The following PCLO variants were observed in gnomAD, a reference collection of about 807,000 sequenced individuals.
PCLO encodes piccolo presynaptic cytomatrix protein, also known as protein piccolo.
PCLO carries 82 observed loss-of-function variants against 427.5 expected under a neutral mutation model. The ratio of observed to expected loss-of-function variants is 0.19; its 90% CI spans 0.16 to 0.23. The LOEUF is 0.23. Among genes scored for constraint, PCLO ranks in the 10% least tolerant of loss-of-function variants. The pLI is 1.00. For synonymous variants in PCLO, 2,357 were observed against 2,155.4 expected (o/e 1.09, Z -2.59); for missense variants, 6,239 against 6,115.9 (o/e 1.02, Z -0.67).
intron 3 of PCLO, among the ~76,000 whole-genome samples, chr7:82,990,816 G>A (rs1796359832): frequency 6.6e-6 from 1 of 151,940 alleles, no homozygotes; most frequent in Non-Finnish European, 1.5e-5. Flanking sequence ...TATAAACTGG[G>A]AAAACATTAT....
chr7:82,813,504 C>T (rs1004678015), intron 20 of PCLO, among the ~76,000 whole-genome samples: 3 of 151,518 alleles, frequency 2.0e-5, no homozygotes, highest in African/African-American at 7.3e-5. Flanking sequence ...AATCAGTGAC[C>T]AATTGCATTT....
intron 22 of PCLO, among the ~76,000 whole-genome samples, chr7:82,768,759 T>C (rs1790585539): frequency 6.6e-6 from 1 of 152,108 alleles, no homozygotes; most frequent in Non-Finnish European, 1.5e-5. Flanking sequence ...GTATATACAA[T>C]GGCCTTCTCA....
At chr7:83,021,448 T>C (rs1788339539) in intron 3 of PCLO, among the ~76,000 whole-genome samples, 1 of 152,204 alleles carries the variant, frequency 6.6e-6, no homozygotes, top group Admixed American at 6.5e-5. Context: ...TTTATGGTCC[T>C]CAGTTTCTTA....
intron 22 of PCLO, among the ~76,000 whole-genome samples, chr7:82,780,441 A>C (rs1790848158): frequency 6.6e-6 from 1 of 152,220 alleles, no homozygotes; most frequent in African/African-American, 2.4e-5. Flanking sequence ...GATTGAAGTT[A>C]ACCACCACTC....
At chr7:83,092,854 G>A (rs1267990624) in intron 3 of PCLO, among the ~76,000 whole-genome samples, 1 of 150,554 alleles carries the variant, frequency 6.6e-6, no homozygotes, top group Non-Finnish European at 1.5e-5. Context: ...GGCTGAGGCA[G>A]GAGAATCACT....
In PCLO at chr7:83,134,586, T is replaced by C. The variant is rs1434584651; in HGVS notation, c.2964A>G (p.Pro988=). ...GPPKSTGQAP[P]APAKSIPVKK... is the part of the protein sequence containing the mutation. ...TCACAGGTATACTTTTTGCAGGTGC[T>C]GGTGGTGCTTGACCTGTGGATTTGG... is the stretch of plus-strand genomic sequence containing the variant. Residue 988 remains proline (P), a synonymous_variant, in exon 3 of 25, where the codon CCA becomes CCG. Coordinates refer to ENST00000333891, the MANE Select transcript of PCLO (RefSeq NM_033026.6). The C allele has an allele frequency of 1.2e-6, 2 of 1,613,940 alleles. No homozygotes were observed. Among genetic ancestry groups the C allele is most frequent in the Admixed American group, 1.7e-5 (1 of 59,998 alleles).
chr7:82,867,847 G>A (rs995326126), intron 10 of PCLO, among the ~76,000 whole-genome samples: 4 of 152,144 alleles, frequency 2.6e-5, no homozygotes, highest in Non-Finnish European at 5.9e-5. Flanking sequence ...ATAAAGAAGA[G>A]AAATATGTTT....
chr7:83,110,384 T>G (rs2116520710), intron 3 of PCLO, among the ~76,000 whole-genome samples: 1 of 152,218 alleles, frequency 6.6e-6, no homozygotes, highest in Non-Finnish European at 1.5e-5. Flanking sequence ...TAGTTGACAC[T>G]TAATCACTTG....
At chr7:83,037,197 T>C (rs920649455) in intron 3 of PCLO, among the ~76,000 whole-genome samples, 1 of 152,132 alleles carries the variant, frequency 6.6e-6, no homozygotes, top group African/African-American at 2.4e-5. Flanking sequence ...GGCTACTTTA[T>C]GTCTAATGCA....
At position 83,083,613 on chromosome 7, in the gene PCLO, G is replaced by A. The variant is rs151170597; in HGVS notation, c.3300+50637C>T. 9.2e-4 allele frequency among the ~76,000 whole-genome samples: 140 copies of A among 152,024 alleles called. 1 individual carries two copies. Among genetic ancestry groups the A allele is most frequent in the African/African-American group, 3.0e-3 (123 of 41,502 alleles). Reference sequence around the variant, plus strand: ...TAAGGAAACATTCAATATTTTCATGGATAAATTATAATCACCACATTTCAA... The same window carrying A: ...TAAGGAAACATTCAATATTTTCATGAATAAATTATAATCACCACATTTCAA... On this transcript the variant is annotated intron_variant, in intron 3 of 24. Coordinates refer to ENST00000333891, the MANE Select transcript of PCLO (RefSeq NM_033026.6).
chr7:82,904,494 C>CT (rs1225130860), intron 8 of PCLO, among the ~76,000 whole-genome samples: 2 of 151,924 alleles, frequency 1.3e-5, no homozygotes, highest in African/African-American at 4.8e-5. Context: ...TGCTTTGGTA[C>CT]TGCAGGTAAT....
At chr7:82,839,025 G>T (rs1172247594) in intron 14 of PCLO, among the ~76,000 whole-genome samples, 2 of 151,976 alleles carry the variant, frequency 1.3e-5, no homozygotes, top group Admixed American at 6.6e-5. Context: ...AATACTAAAA[G>T]ACATAATTCA....
chr7:82,862,032 A>G (rs1792970329), intron 10 of PCLO, among the ~76,000 whole-genome samples: 1 of 151,928 alleles, frequency 6.6e-6, no homozygotes, highest in African/African-American at 2.4e-5. Flanking sequence ...GAAAAATCTA[A>G]TGACGCATCT....
intron 6 of PCLO, among the ~76,000 whole-genome samples, chr7:82,928,887 A>G (rs1794776178): frequency 6.6e-6 from 1 of 152,170 alleles, no homozygotes; most frequent in Admixed American, 6.5e-5. Flanking sequence ...TCATTTAGAA[A>G]GGCATTGGTA....
chr7:82,838,245 A>C lies in PCLO; in HGVS notation c.14195T>G (p.Val4732Gly). Residue 4732 changes from valine (V) to glycine (G), a missense_variant, in exon 15 of 25, where the codon GTG becomes GGG. Physicochemically the swap from Val to Gly is moderately radical, Grantham distance 109 (BLOSUM62 -3). Transcript: ENST00000333891. The stretch of plus-strand genomic sequence containing the variant: ...TCTCCCTGGAAGAAGGTACACTTTC[A>C]CAAAAGGGTCAGAATAACCATTGTT... The part of the protein sequence containing the change: ...RDNNGYSDPF[V>G]KVYLLPGRGQ... 1 of 1,600,696 alleles carries C rather than the reference A, an allele frequency of 6.2e-7. No individual in the cohort carries two copies. The highest frequency in any genetic ancestry group is 8.5e-7 in the Non-Finnish European group (1 of 1,171,216).
At chr7:82,839,571 C>T (rs184001838) in intron 14 of PCLO, among the ~76,000 whole-genome samples, 267 of 152,158 alleles carry the variant, frequency 1.8e-3, no homozygotes, top group African/African-American at 6.0e-3. Context: ...GTAATTAATA[C>T]CACTGAAATT....
At chr7:83,096,355 A>G (rs759676977) in intron 3 of PCLO, among the ~76,000 whole-genome samples, 44 of 152,218 alleles carry the variant, frequency 2.9e-4, no homozygotes, top group Non-Finnish European at 5.1e-4. Context: ...CTGAATTAAT[A>G]TAGCAAAGTG....
At chr7:83,023,405 T>C (rs1788394090) in intron 3 of PCLO, among the ~76,000 whole-genome samples, 1 of 152,226 alleles carries the variant, frequency 6.6e-6, no homozygotes, top group Non-Finnish European at 1.5e-5. Flanking sequence ...TAGAATTCAA[T>C]AATGTATTCT....
At chr7:83,160,826 G>C (rs924682387) in intron 1 of PCLO, among the ~76,000 whole-genome samples, 18 of 151,980 alleles carry the variant, frequency 1.2e-4, no homozygotes, top group African/African-American at 3.9e-4. Flanking sequence ...GTGCCTCTTA[G>C]GAAAAAATAT....
Sources: allele counts gnomAD v4.1 joint callset (sites outside exome capture counted in the v4.1 genomes callset), GRCh38; gene constraint gnomAD v4.1.1; transcripts MANE v1.5; gene names NCBI Gene and HGNC (gene_info 2026-07-23, HGNC 2026-07-21).